The following OARD1 variants were observed in gnomAD, a reference collection of about 807,000 sequenced individuals.
OARD1 encodes the protein ADP-ribose glycohydrolase OARD1.
A neutral mutation model predicts 19.7 loss-of-function variants in OARD1; 19 were observed. The ratio of observed to expected loss-of-function variants is 0.96; its 90% CI spans 0.67 to 1.41. The LOEUF (loss-of-function observed/expected upper bound fraction) is 1.41, where lower values mean the gene tolerates loss of function less well. Among genes scored for constraint, OARD1 ranks in the 40% most tolerant of loss-of-function variants. OARD1 has a pLI of 0.00. For synonymous variants in OARD1, 70 were observed against 61.8 expected (o/e 1.13, Z -0.62); for missense variants, 190 against 183.8 (o/e 1.03, Z -0.20).
intron 1 of OARD1, 188 bp from the exon 2 acceptor site, chr6:41,071,863 C>T: frequency 1.9e-6 from 1 of 524,194 alleles, no homozygotes; most frequent in Non-Finnish European, 3.4e-6. Flanking sequence ...GGTTCGGAGG[C>T]TGTCTCGACC....
chr6:41,071,950 C>G, intron 1 of OARD1: 1 of 387,150 alleles, frequency 2.6e-6, no homozygotes, highest in Non-Finnish European at 4.7e-6. Context: ...CACGCCTCCT[C>G]CTTTCTCCAG....
intron 1 of OARD1, among the ~76,000 whole-genome samples, chr6:41,078,429 T>C (rs1763800620): frequency 6.6e-6 from 1 of 152,216 alleles, no homozygotes; most frequent in African/African-American, 2.4e-5. Context: ...CATTTTTGTT[T>C]ATATATCTGT....
chr6:41,097,645 T>C (rs1487237259), intron 1 of OARD1: 4 of 470,950 alleles, frequency 8.5e-6, no homozygotes, highest in African/African-American at 2.0e-5. Context: ...GTTGATGACA[T>C]TGACATTTCA....
At chr6:41,084,123 G>A (rs1763980132) in intron 1 of OARD1, 1 of 1,614,054 alleles carries the variant, frequency 6.2e-7, no homozygotes, top group South Asian at 1.1e-5. Flanking sequence ...TCATGGTCCA[G>A]GCTGTCCCTG....
At chr6:41,092,565 G>T (rs1446246179) in intron 1 of OARD1, among the ~76,000 whole-genome samples, 1 of 152,096 alleles carries the variant, frequency 6.6e-6, no homozygotes, top group Non-Finnish European at 1.5e-5. Context: ...GCATTTAGTA[G>T]CACTTGGTCT....
chr6:41,077,564 T>C (rs372790433), upstream of OARD1, among the ~76,000 whole-genome samples: 1 of 152,202 alleles, frequency 6.6e-6, no homozygotes, highest in African/African-American at 2.4e-5. Context: ...AGAGACAAGA[T>C]AGAATTTAGG....
intron 1 of OARD1, chr6:41,091,822 C>G: frequency 2.0e-6 from 2 of 1,000,302 alleles, no homozygotes; most frequent in Non-Finnish European, 2.9e-6. Context: ...CGGTAATCTA[C>G]TTTGACAATA....
chr6:41,094,418 A>G, intron 1 of OARD1: 1 of 1,614,216 alleles, frequency 6.2e-7, no homozygotes, highest in Non-Finnish European at 8.5e-7. Context: ...GAGTCTCGGC[A>G]CCGTCATGCC....
At chr6:41,095,889 T>G (rs1197503817) in intron 1 of OARD1, among the ~76,000 whole-genome samples, 1 of 152,228 alleles carries the variant, frequency 6.6e-6, no homozygotes, top group Non-Finnish European at 1.5e-5. Flanking sequence ...AGTACTGACT[T>G]AGATGTATTT....
At chr6:41,069,401 A>T (rs561411846) in intron 4 of OARD1, 1 of 154,240 alleles carries the variant, frequency 6.5e-6, no homozygotes, top group African/African-American at 2.4e-5. Context: ...AACAGAAAAA[A>T]CTGGTAGGGT....
At position 41,090,201 on chromosome 6, in the gene OARD1, C is replaced by T. The variant is rs774791721; in HGVS notation, c.-42+7512G>A. The T allele has an allele frequency of 4.4e-6, 7 of 1,596,854 alleles. No individual in the cohort carries two copies. In the Admixed American group the frequency reaches 1.2e-4, roughly 27 times the overall value. ...GAATTGTGTCATTACTTATTTCCTC[C>T]AGACACAGCAGCAGATTGCTGTCCA... On this transcript the variant is annotated intron_variant, in intron 1 of 4. Transcript: ENST00000480585.
chr6:41,084,337 T>A, intron 1 of OARD1: 3 of 911,282 alleles, frequency 3.3e-6, no homozygotes, highest in Non-Finnish European at 4.8e-6. Context: ...GCCTTTATAG[T>A]ACCAGTGATA....
chr6:41,067,330 CT>C lies in OARD1; in HGVS notation c.*4del. The C allele has an allele frequency of 6.3e-7, 1 of 1,580,326 alleles. No individual in the cohort carries two copies. The highest frequency in any genetic ancestry group is 1.7e-4 in the Middle Eastern group (1 of 5,986). On this transcript the variant is annotated 3_prime_UTR_variant, in exon 6 of 6. Coordinates refer to ENST00000424266, the MANE Select transcript of OARD1 (RefSeq NM_001329686.2). ...AACACGGAAACATCCAAAATGTTCA[CT>C]GGTTCAGAGTGTGTACACAGTAATT...
In OARD1 at chr6:41,065,650, T is replaced by G. The variant is rs1045765998; in HGVS notation, c.*1685A>C. 3.9e-5 allele frequency: 6 copies of G among 152,322 alleles called. No homozygotes were observed. Among genetic ancestry groups the G allele is most frequent in the African/African-American group, 1.2e-4 (5 of 41,580 alleles). The allele number at this position is 152,322 out of a possible 1,614,324, so 9.4% of individuals were successfully genotyped here. A position where few individuals can be genotyped will look rare whatever the true frequency, so the allele number is the denominator to read the frequency against. ...CCCTACCCCAACAACATGAAGAACT[T>G]GTCTGTTCCACCTAGAAATACAAAA... On this transcript the variant is annotated 3_prime_UTR_variant, in exon 6 of 6. Coordinates refer to ENST00000424266, the MANE Select transcript of OARD1 (RefSeq NM_001329686.2).
intron 1 of OARD1, among the ~76,000 whole-genome samples, chr6:41,077,896 T>C (rs1763784640): frequency 6.6e-6 from 1 of 152,230 alleles, no homozygotes. Context: ...TCTTATGTTG[T>C]ATCCATTTTG....
intron 1 of OARD1, among the ~76,000 whole-genome samples, chr6:41,093,432 T>C (rs1276184354): frequency 1.3e-5 from 2 of 151,994 alleles, no homozygotes; most frequent in Non-Finnish European, 2.9e-5. Flanking sequence ...CTGCTTAGGC[T>C]CCAGCCTAGG....
chr6:41,081,959 A>G (rs1450399713), intron 1 of OARD1, among the ~76,000 whole-genome samples: 1 of 152,258 alleles, frequency 6.6e-6, no homozygotes, highest in Non-Finnish European at 1.5e-5. Flanking sequence ...ACACAGGAGT[A>G]GCAGCACTAG....
At chr6:41,088,423 CAAAAAAAAA>C in intron 1 of OARD1, among the ~76,000 whole-genome samples, 1 of 64,726 alleles carries the variant, frequency 1.5e-5, no homozygotes, top group East Asian at 5.2e-4. Flanking sequence ...ACTCCGTCTC[CAAAAAAAAA>C]AAAAAAAAAA....
chr6:41,091,923 A>G (rs567716475), intron 1 of OARD1, among the ~76,000 whole-genome samples: 6 of 152,352 alleles, frequency 3.9e-5, no homozygotes, highest in Non-Finnish European at 7.3e-5. Flanking sequence ...AGATAAAGCA[A>G]TGGATAAATA....
Sources: gnomAD v4.1 joint callset for allele counts (sites outside exome capture counted in the v4.1 genomes callset) on GRCh38, gnomAD v4.1.1 for gene constraint, MANE v1.5 for transcripts, NCBI Gene and HGNC (gene_info 2026-07-23, HGNC 2026-07-21) for gene names.